Variants in NR2C2 observed in about 807,000 individuals in gnomAD.
The protein encoded by NR2C2 is Nuclear hormone receptor TR4.
NR2C2 carries 6 observed loss-of-function variants against 62.9 expected under a neutral mutation model. That is an observed-to-expected ratio of 0.10 (90% CI 0.05 to 0.19). NR2C2 has a LOEUF of 0.19. Among genes scored for constraint, NR2C2 ranks in the 10% least tolerant of loss-of-function variants. The pLI is 1.00. For missense variants in NR2C2, 479 were observed against 762.7 expected (o/e 0.63, Z 4.38); for synonymous variants, 272 against 273.8 (o/e 0.99, Z 0.07).
At chr3:14,998,535 C>G (rs2040895303) in intron 1 of NR2C2, among the ~76,000 whole-genome samples, 1 of 152,134 alleles carries the variant, frequency 6.6e-6, no homozygotes, top group South Asian at 2.1e-4. Context: ...ACATCTTTTC[C>G]TGTGCTTATT....
intron 1 of NR2C2, among the ~76,000 whole-genome samples, chr3:14,956,609 T>A (rs2039533389): frequency 6.6e-6 from 1 of 152,166 alleles, no homozygotes; most frequent in Non-Finnish European, 1.5e-5. Context: ...AGTGGCTCAA[T>A]CTCAGCTCAC....
rs1173309168 is a variant in NR2C2, at chr3:15,045,197, G to A, written c.*2189G>A. The stretch of plus-strand genomic sequence containing the variant: ...TAACACAGATTGTTGCCTGCCTTCC[G>A]TCGTTTTGATCCTTGAGAGTGACCA... On this transcript the variant is annotated 3_prime_UTR_variant, in exon 14 of 14. Transcript: ENST00000425241. The A allele has an allele frequency of 1.3e-5, 2 of 152,140 alleles. No individual in the cohort carries two copies. Among genetic ancestry groups the A allele is most frequent in the African/African-American group, 2.4e-5 (1 of 41,412 alleles). 9.4% of individuals were successfully genotyped at this position (152,140 alleles called of 1,614,324 possible). A position where few individuals can be genotyped will look rare whatever the true frequency, so the allele number is the denominator to read the frequency against.
chr3:15,039,008 C>A, intron 12 of NR2C2, 114 bp from the exon 13 acceptor site: 1 of 732,402 alleles, frequency 1.4e-6, no homozygotes, highest in Non-Finnish European at 2.4e-6. Context: ...TCTTTGAGTT[C>A]AATTTGTTGT....
intron 1 of NR2C2, among the ~76,000 whole-genome samples, chr3:14,968,735 C>T (rs2039941378): frequency 7.1e-6 from 1 of 140,930 alleles, no homozygotes. Flanking sequence ...GGACCCAACC[C>T]AAATGTCCAA....
intron 5 of NR2C2, among the ~76,000 whole-genome samples, chr3:15,021,381 T>C (rs1373366153): frequency 6.6e-6 from 1 of 152,228 alleles, no homozygotes; most frequent in African/African-American, 2.4e-5. Context: ...CTCTACTTTC[T>C]TTTGGGATAA....
intron 1 of NR2C2, among the ~76,000 whole-genome samples, chr3:14,970,884 T>G (rs987372514): frequency 6.6e-6 from 1 of 152,216 alleles, no homozygotes; most frequent in Non-Finnish European, 1.5e-5. Context: ...TTTTTAACTT[T>G]GCAATGGTGC....
In NR2C2 at chr3:15,023,239, A is replaced by G. The variant is rs1559299247; in HGVS notation, c.596A>G (p.Glu199Gly). The G allele has an allele frequency of 6.2e-7, 1 of 1,614,232 alleles. No individual in the cohort carries two copies. Among genetic ancestry groups the G allele is most frequent in the Admixed American group, 1.7e-5 (1 of 60,028 alleles). ...CGGAAGCCCTTCGATGTGCAACGGG[A>G]GAAACCAAGCAATTGTGCTGCTTCA... is the stretch of plus-strand genomic sequence containing the variant. ...SERKPFDVQREKPSNCAASTE... is the reference protein window; with the variant it reads ...SERKPFDVQRGKPSNCAASTE... Residue 199 changes from glutamate (E) to glycine (G), a missense_variant, in exon 6 of 14, where the codon GAG (glutamate) becomes GGG (glycine). Glu to Gly is a moderately conservative substitution (Grantham distance 98). Around this residue, in one of 4 missense-constraint regions of NR2C2, gnomAD observed 51 missense variants for 137.5 expected, o/e 0.37. Transcript: ENST00000425241.
At chr3:14,994,631 TG>T (rs2040769227) in intron 1 of NR2C2, among the ~76,000 whole-genome samples, 1 of 150,970 alleles carries the variant, frequency 6.6e-6, no homozygotes, top group South Asian at 2.1e-4. Context: ...TCAGTAGAGG[TG>T]GGGTTTCACC....
At chr3:14,954,572 G>A (rs1390743950) in intron 1 of NR2C2, among the ~76,000 whole-genome samples, 1 of 152,094 alleles carries the variant, frequency 6.6e-6, no homozygotes, top group Non-Finnish European at 1.5e-5. Flanking sequence ...ACTTCTCATG[G>A]TTATTACAAA....
intron 12 of NR2C2, 127 bp downstream of exon 12, chr3:15,038,264 T>C (rs1281556411): frequency 1.1e-4 from 110 of 976,322 alleles, no homozygotes; most frequent in Non-Finnish European, 1.6e-4. Context: ...AGTGTTCTTA[T>C]GATAGGTGTT....
intron 1 of NR2C2, among the ~76,000 whole-genome samples, chr3:14,992,106 T>G (rs1306035020): frequency 1.3e-5 from 2 of 152,170 alleles, no homozygotes; most frequent in Non-Finnish European, 2.9e-5. Flanking sequence ...TGTTCATTTT[T>G]CAGCAAGTGA....
intron 1 of NR2C2, among the ~76,000 whole-genome samples, chr3:14,972,949 G>T (rs980312240): frequency 6.6e-6 from 1 of 152,124 alleles, no homozygotes; most frequent in Non-Finnish European, 1.5e-5. Context: ...CCATCCCCAT[G>T]ATCCGATCAC....
chr3:15,025,425 T>C (rs939050457), intron 7 of NR2C2: 3 of 152,182 alleles, frequency 2.0e-5, no homozygotes, highest in Non-Finnish European at 4.4e-5. Context: ...TTATTGTCAC[T>C]TTGGAGGAGA....
At chr3:14,967,833 G>T (rs902202444) in intron 1 of NR2C2, among the ~76,000 whole-genome samples, 5 of 152,046 alleles carry the variant, frequency 3.3e-5, no homozygotes, top group Admixed American at 3.3e-4. Flanking sequence ...AAATAATGCC[G>T]CATATCTACA....
intron 10 of NR2C2, among the ~76,000 whole-genome samples, chr3:15,032,829 G>T (rs752276118): frequency 6.6e-6 from 1 of 152,184 alleles, no homozygotes; most frequent in African/African-American, 2.4e-5. Context: ...AAGCCAGGCC[G>T]GGAACTGTGC....
intron 8 of NR2C2, among the ~76,000 whole-genome samples, 182 bp from the exon 9 acceptor site, chr3:15,030,093 G>A (rs149785354): frequency 3.9e-5 from 6 of 152,292 alleles, no homozygotes; most frequent in African/African-American, 1.4e-4. Flanking sequence ...GAGAGGCCAA[G>A]GCAGGTAGAT....
intron 4 of NR2C2, among the ~76,000 whole-genome samples, chr3:15,018,377 A>G (rs2041571066): frequency 1.3e-5 from 2 of 152,260 alleles, no homozygotes; most frequent in African/African-American, 2.4e-5. Context: ...GTTACTACCC[A>G]GAACATATAG....
In NR2C2 at chr3:15,047,529, A is replaced by C. The variant is rs982592347; in HGVS notation, c.*4521A>C. ...CCTTCCCAGCTATTCAGCTCTGTTG[A>C]GTAGCCCAGAGACAGGCGTCACGGT... On this transcript the variant is annotated 3_prime_UTR_variant, in exon 14 of 14. Transcript: ENST00000425241. The C allele has an allele frequency of 9.2e-5, 14 of 152,366 alleles. No individual in the cohort carries two copies. In the East Asian group the frequency reaches 2.7e-3, roughly 29 times the overall value. 9.4% of individuals were successfully genotyped at this position (152,366 alleles called of 1,614,324 possible).
At chr3:14,981,535 G>A (rs1314280557) in intron 1 of NR2C2, among the ~76,000 whole-genome samples, 3 of 150,798 alleles carry the variant, frequency 2.0e-5, no homozygotes, top group Admixed American at 6.6e-5. Context: ...CCCAGGAGGT[G>A]GAGCTTGCAG....
Sources: gnomAD v4.1 joint callset for allele counts (sites outside exome capture counted in the v4.1 genomes callset) on GRCh38, gnomAD v4.1.1 for gene constraint, gnomAD v4.1.1 regional missense constraint, MANE v1.5 for transcripts, NCBI Gene and HGNC (gene_info 2026-07-23, HGNC 2026-07-21) for gene names.